FNIP1: variants seen among roughly 807,000 people sequenced by gnomAD.
FNIP1 encodes the protein folliculin-interacting protein 1.
Under a neutral mutation model 124.5 loss-of-function variants are expected in FNIP1, and 40 were observed. The ratio of observed to expected loss-of-function variants is 0.32; its 90% CI spans 0.25 to 0.42. FNIP1 has a LOEUF of 0.42. Among genes scored for constraint, FNIP1 ranks in the 10% least tolerant of loss-of-function variants. The probability of loss-of-function intolerance (pLI) is 1.00; values close to 1 mark genes in which losing one functional copy is unlikely to be tolerated. For missense variants in FNIP1, 1,176 were observed against 1,403.7 expected, an observed-to-expected ratio of 0.84 and a Z score of 2.59; for synonymous variants, 472 against 470.6, an observed-to-expected ratio of 1.00 and a Z score of -0.04.
chr5:131,785,412 G>A (rs898427343), intron 1 of FNIP1, among the ~76,000 whole-genome samples: 5 of 151,638 alleles, frequency 3.3e-5, no homozygotes, highest in Non-Finnish European at 5.9e-5. Flanking sequence ...AAAATTGGCC[G>A]GGCGTGATGG....
chr5:131,788,343 T>C (rs1234236121), intron 1 of FNIP1, among the ~76,000 whole-genome samples: 2 of 152,084 alleles, frequency 1.3e-5, no homozygotes, highest in Non-Finnish European at 2.9e-5. Flanking sequence ...TTAAAATCAA[T>C]AGGATTTAAG....
chr5:131,792,653 C>G (rs796386149), intron 1 of FNIP1, among the ~76,000 whole-genome samples: 1 of 152,108 alleles, frequency 6.6e-6, no homozygotes, highest in African/African-American at 2.4e-5. Context: ...TGACAAGACG[C>G]CACAGTGGAA....
At chr5:131,705,573 C>CA (rs1291474513) in intron 9 of FNIP1, among the ~76,000 whole-genome samples, 11 of 151,946 alleles carry the variant, frequency 7.2e-5, no homozygotes, top group African/African-American at 2.7e-4. Context: ...TGGCTATTAT[C>CA]AAAAAAACAG....
intron 11 of FNIP1, among the ~76,000 whole-genome samples, chr5:131,691,213 A>G (rs1768469582): frequency 6.6e-6 from 1 of 152,220 alleles, no homozygotes; most frequent in South Asian, 2.1e-4. Flanking sequence ...AAAATCCCCA[A>G]ATACTTGGAG....
intron 15 of FNIP1, among the ~76,000 whole-genome samples, chr5:131,660,030 G>A (rs755264076): frequency 2.4e-4 from 36 of 152,206 alleles, no homozygotes; most frequent in Non-Finnish European, 3.5e-4. Flanking sequence ...AGGGGAAGAC[G>A]GCCCGGGGGC....
intron 1 of FNIP1, among the ~76,000 whole-genome samples, chr5:131,785,113 C>T (rs61163797): frequency 9.9e-5 from 1 of 10,130 alleles, no homozygotes; most frequent in African/African-American, 3.0e-4. Flanking sequence ...ATATATATAT[C>T]ATATATATGA....
intron 1 of FNIP1, among the ~76,000 whole-genome samples, chr5:131,752,953 TC>T (rs1174135138): frequency 6.6e-6 from 1 of 152,176 alleles, no homozygotes; most frequent in East Asian, 1.9e-4. Flanking sequence ...ATGCCTGTAA[TC>T]CCAGCTACTT....
rs1272404932 is a variant in FNIP1, at chr5:131,672,213, C to T, written c.2231G>A (p.Cys744Tyr). ...PDKIVPASFS[C>Y]EAAQTKVTFL... ...AGTAACCTTTGTCTGGGCAGCCTCA[C>T]AAGAAAATGAAGCAGGCACAATCTT... is the stretch of plus-strand genomic sequence containing the variant. The change falls in exon 14 of 18, where the codon TGT becomes TAT. Residue 744 changes from cysteine (C) to tyrosine (Y), a missense_variant. Transcript: ENST00000510461. The T allele has an allele frequency of 3.1e-6, 5 of 1,614,180 alleles. No individual in the cohort carries two copies. The highest frequency in any genetic ancestry group is 4.2e-6 in the Non-Finnish European group (5 of 1,180,034).
chr5:131,772,255 A>T (rs568218681), intron 1 of FNIP1, among the ~76,000 whole-genome samples: 81 of 152,232 alleles, frequency 5.3e-4, no homozygotes, highest in African/African-American at 1.7e-3. Flanking sequence ...TGTGGGGGAG[A>T]AGAGAATCAC....
intron 1 of FNIP1, among the ~76,000 whole-genome samples, chr5:131,753,988 AT>A (rs1189570579): frequency 6.6e-6 from 1 of 152,048 alleles, no homozygotes; most frequent in African/African-American, 2.4e-5. Flanking sequence ...TAATTTTTGT[AT>A]TTTTAGTAGA....
intron 6 of FNIP1, among the ~76,000 whole-genome samples, chr5:131,712,991 T>C (rs1769347244): frequency 6.6e-6 from 1 of 152,204 alleles, no homozygotes; most frequent in Non-Finnish European, 1.5e-5. Flanking sequence ...CACTGTAAAC[T>C]TTTTTCCCAT....
At chr5:131,767,603 T>C (rs1444224551) in intron 1 of FNIP1, among the ~76,000 whole-genome samples, 1 of 151,972 alleles carries the variant, frequency 6.6e-6, no homozygotes, top group Non-Finnish European at 1.5e-5. Flanking sequence ...CTAAATACCA[T>C]AGGAAGAAGC....
At chr5:131,722,302 T>C (rs372565390) in intron 3 of FNIP1, among the ~76,000 whole-genome samples, 1 of 152,218 alleles carries the variant, frequency 6.6e-6, no homozygotes, top group African/African-American at 2.4e-5. Context: ...CATACCTAGA[T>C]AGTACACTTT....
chr5:131,736,475 C>T (rs146312890), intron 2 of FNIP1, among the ~76,000 whole-genome samples: 4 of 152,298 alleles, frequency 2.6e-5, no homozygotes, highest in Non-Finnish European at 4.4e-5. Context: ...AAGTACTACG[C>T]GTTCTAAGCC....
intron 11 of FNIP1, among the ~76,000 whole-genome samples, chr5:131,680,525 GA>G (rs1768046611): frequency 6.6e-6 from 1 of 152,196 alleles, no homozygotes; most frequent in Non-Finnish European, 1.5e-5. Context: ...AGATACGATG[GA>G]AAATTGAAGA....
intron 15 of FNIP1, among the ~76,000 whole-genome samples, chr5:131,661,049 T>C (rs1044216235): frequency 1.3e-5 from 2 of 152,194 alleles, no homozygotes; most frequent in Non-Finnish European, 2.9e-5. Flanking sequence ...GTTTGGCCCC[T>C]TTGGCGGTTT....
chr5:131,646,017 A>T (rs530690226), intron 17 of FNIP1, among the ~76,000 whole-genome samples: 1 of 152,286 alleles, frequency 6.6e-6, no homozygotes, highest in South Asian at 2.1e-4. Context: ...ATGCACTGTG[A>T]ATTTTGGTTA....
intron 1 of FNIP1, among the ~76,000 whole-genome samples, chr5:131,784,808 T>C (rs1304243613): frequency 1.3e-5 from 2 of 149,336 alleles, no homozygotes; most frequent in African/African-American, 5.0e-5. Context: ...GGCGACAGAG[T>C]GAGACTGTCT....
chr5:131,732,292 G>A (rs2149551006), intron 2 of FNIP1, among the ~76,000 whole-genome samples: 1 of 152,136 alleles, frequency 6.6e-6, no homozygotes, highest in African/African-American at 2.4e-5. Flanking sequence ...CATCACCAAA[G>A]GCATTGTTAA....
Sources: allele counts gnomAD v4.1 joint callset (sites outside exome capture counted in the v4.1 genomes callset), GRCh38; gene constraint gnomAD v4.1.1; transcripts MANE v1.5; gene names NCBI Gene and HGNC (gene_info 2026-07-23, HGNC 2026-07-21).